ATXN7L1: variants seen among roughly 807,000 people sequenced by gnomAD.
The protein encoded by ATXN7L1 is ataxin 7 like 1.
ATXN7L1 carries 15 observed loss-of-function variants against 70.8 expected under a neutral mutation model. That is an observed-to-expected ratio of 0.21 (90% CI 0.14 to 0.33). The LOEUF (loss-of-function observed/expected upper bound fraction) is 0.33, where lower values mean the gene tolerates loss of function less well. ATXN7L1 is among the 10% of genes least tolerant of loss of function. ATXN7L1 has a pLI of 1.00. For synonymous variants in ATXN7L1, 440 were observed against 445.1 expected (o/e 0.99, Z 0.14); for missense variants, 975 against 1,097.1 (o/e 0.89, Z 1.57).
At chr7:105,665,334 G>A in intron 3 of ATXN7L1, 46 bp from the exon 4 acceptor site, 1 of 1,464,484 alleles carries the variant, frequency 6.8e-7, no homozygotes, top group African/African-American at 1.4e-5. Flanking sequence ...TCTGTAGCAG[G>A]TGAGGCTCCC....
intron 3 of ATXN7L1, among the ~76,000 whole-genome samples, chr7:105,733,785 TCCATCCTTCCATCCATCCACCCAA>T (rs1797005466): frequency 7.3e-5 from 4 of 55,030 alleles, no homozygotes; most frequent in Non-Finnish European, 7.5e-5. Context: ...CACCCATCCA[TCCATCCTTCCATCCATCCACCCAA>T]CCACCCATCC....
intron 2 of ATXN7L1, among the ~76,000 whole-genome samples, chr7:105,839,182 G>C (rs1812839203): frequency 1.3e-5 from 2 of 152,078 alleles, no homozygotes; most frequent in Admixed American, 6.6e-5. Context: ...TGCTGTTATG[G>C]GCAATGGCTC....
At chr7:105,858,940 G>A (rs542770402) in intron 2 of ATXN7L1, among the ~76,000 whole-genome samples, 1 of 151,988 alleles carries the variant, frequency 6.6e-6, no homozygotes, top group Non-Finnish European at 1.5e-5. Context: ...ACACACATGT[G>A]GGGGAGGGAC....
intron 3 of ATXN7L1, among the ~76,000 whole-genome samples, chr7:105,712,607 A>AG (rs903693422): frequency 6.6e-6 from 1 of 152,166 alleles, no homozygotes; most frequent in South Asian, 2.1e-4. Flanking sequence ...TCCCTAGGGC[A>AG]GGGGGGAAAT....
intron 3 of ATXN7L1, among the ~76,000 whole-genome samples, chr7:105,699,427 C>T (rs909920371): frequency 3.3e-5 from 5 of 152,136 alleles, no homozygotes; most frequent in African/African-American, 7.2e-5. Flanking sequence ...CCATCATGCT[C>T]GGCCATTCCA....
chr7:105,838,578 C>G (rs757360616), intron 2 of ATXN7L1, among the ~76,000 whole-genome samples: 10 of 152,164 alleles, frequency 6.6e-5, no homozygotes, highest in Non-Finnish European at 1.2e-4. Flanking sequence ...CAGCCAGGAG[C>G]AGGGGCTGAG....
At chr7:105,722,878 C>G (rs1281325155) in intron 3 of ATXN7L1, among the ~76,000 whole-genome samples, 2 of 151,584 alleles carry the variant, frequency 1.3e-5, no homozygotes, top group East Asian at 3.9e-4. Flanking sequence ...GGGTGAGACT[C>G]CGGCTCAAAG....
chr7:105,638,168 A>G (rs1391398753), intron 7 of ATXN7L1, among the ~76,000 whole-genome samples, 185 bp downstream of exon 7: 4 of 152,230 alleles, frequency 2.6e-5, no homozygotes, highest in African/African-American at 7.2e-5. Flanking sequence ...TCTGTTGAAC[A>G]CTATGTGGCA....
intron 2 of ATXN7L1, among the ~76,000 whole-genome samples, chr7:105,840,836 C>T (rs1227932264): frequency 2.0e-5 from 3 of 152,210 alleles, no homozygotes; most frequent in Admixed American, 6.5e-5. Context: ...GTCAGGAATT[C>T]CAGTATTCAT....
chr7:105,872,622 A>C (rs1818430035), intron 2 of ATXN7L1, among the ~76,000 whole-genome samples: 1 of 152,160 alleles, frequency 6.6e-6, no homozygotes, highest in Non-Finnish European at 1.5e-5. Flanking sequence ...AGGCAACTTC[A>C]TAGAGACAGA....
chr7:105,746,148 C>T (rs1191394199), intron 3 of ATXN7L1, among the ~76,000 whole-genome samples: 8 of 152,098 alleles, frequency 5.3e-5, no homozygotes, highest in African/African-American at 4.8e-5. Context: ...TCCTCAGTGC[C>T]GCCACCACCA....
chr7:105,830,042 G>C (rs1421435041), intron 2 of ATXN7L1, among the ~76,000 whole-genome samples: 1 of 152,178 alleles, frequency 6.6e-6, no homozygotes, highest in Non-Finnish European at 1.5e-5. Flanking sequence ...AAAGCTAATA[G>C]TGGTAGATGT....
intron 8 of ATXN7L1, 99 bp from the exon 9 acceptor site, chr7:105,620,420 C>T: frequency 1.6e-6 from 2 of 1,275,624 alleles, no homozygotes; most frequent in South Asian, 3.2e-5. Flanking sequence ...TACAAGGGCA[C>T]AGTTTTACTC....
intron 3 of ATXN7L1, among the ~76,000 whole-genome samples, chr7:105,762,013 A>T (rs1800623051): frequency 6.6e-6 from 1 of 152,232 alleles, no homozygotes; most frequent in Non-Finnish European, 1.5e-5. Flanking sequence ...CATTCTCAAA[A>T]GAAGACTGCT....
intron 3 of ATXN7L1, among the ~76,000 whole-genome samples, chr7:105,668,713 C>T (rs1290764528): frequency 3.3e-5 from 5 of 152,118 alleles, no homozygotes; most frequent in East Asian, 1.9e-4. Flanking sequence ...TGAGCCACTG[C>T]GCCTGGCCCC....
At chr7:105,608,442 C>T (rs551065557) in intron 11 of ATXN7L1, among the ~76,000 whole-genome samples, 21 of 152,310 alleles carry the variant, frequency 1.4e-4, no homozygotes, top group South Asian at 8.3e-4. Context: ...GTAGCCCTCT[C>T]TCTGCAGGCA....
rs150248213 is a variant in ATXN7L1, at chr7:105,638,336, G to A, written c.1202+17C>T. ...TGACCAAGCATTCAGGGCTTCTATC[G>A]TCAAGGTGGTACTTACCTAGGAAGT... On this transcript the variant is annotated intron_variant, in intron 7 of 11. Coordinates refer to ENST00000419735, the MANE Select transcript of ATXN7L1 (RefSeq NM_020725.2). The A allele has an allele frequency of 1.3e-4, 198 of 1,542,384 alleles. No homozygotes were observed. Among genetic ancestry groups the A allele is most frequent in the African/African-American group, 1.2e-3 (87 of 72,824 alleles).
chr7:105,812,719 A>T (rs549889816), intron 2 of ATXN7L1, among the ~76,000 whole-genome samples: 5 of 152,212 alleles, frequency 3.3e-5, no homozygotes, highest in African/African-American at 1.2e-4. Flanking sequence ...ACAAAGATCT[A>T]GCTGGGCATG....
intron 2 of ATXN7L1, among the ~76,000 whole-genome samples, chr7:105,823,552 A>G (rs1170784694): frequency 6.6e-6 from 1 of 152,186 alleles, no homozygotes; most frequent in African/African-American, 2.4e-5. Context: ...TGATTTGTTC[A>G]CTTCTCCATC....
Sources: allele counts gnomAD v4.1 joint callset (sites outside exome capture counted in the v4.1 genomes callset), GRCh38; gene constraint gnomAD v4.1.1; transcripts MANE v1.5; gene names NCBI Gene and HGNC (gene_info 2026-07-23, HGNC 2026-07-21).